The following DLG2 variants were observed in gnomAD, a reference collection of about 807,000 sequenced individuals.
The protein encoded by DLG2 is disks large homolog 2.
Under a neutral mutation model 132.5 loss-of-function variants are expected in DLG2, and 45 were observed. That is an observed-to-expected ratio of 0.34 (90% CI 0.27 to 0.44). The LOEUF (loss-of-function observed/expected upper bound fraction) is 0.44. DLG2 is among the 20% of genes least tolerant of loss of function. DLG2 has a pLI of 1.00. For missense variants in DLG2, 1,045 were observed against 1,196.9 expected (o/e 0.87, Z 1.87); for synonymous variants, 424 against 419.6 (o/e 1.01, Z -0.13).
chr11:85,583,126 GTGTGTATATA>G (rs1484874833), intron 3 of DLG2, among the ~76,000 whole-genome samples: 11 of 34,304 alleles, frequency 3.2e-4, no homozygotes, highest in African/African-American at 5.6e-4. Flanking sequence ...GTGTGTGTGT[GTGTGTATATA>G]TATATATATA....
chr11:84,682,389 T>C (rs931526421), intron 6 of DLG2, among the ~76,000 whole-genome samples: 1 of 152,158 alleles, frequency 6.6e-6, no homozygotes, highest in Admixed American at 6.5e-5. Context: ...GAAAAGAGCT[T>C]TGAAACACTA....
At chr11:85,509,932 A>G (rs1440748171) in intron 3 of DLG2, 1 of 151,964 alleles carries the variant, frequency 6.6e-6, no homozygotes, top group Non-Finnish European at 1.5e-5. Context: ...GACAAAGGTT[A>G]GTTCGGCGCT....
chr11:85,033,933 C>G (rs1250526015), intron 6 of DLG2, among the ~76,000 whole-genome samples: 2 of 151,952 alleles, frequency 1.3e-5, no homozygotes, highest in Non-Finnish European at 2.9e-5. Context: ...CAGTGGCGTA[C>G]AATTGGAATA....
chr11:85,483,452 G>A (rs1055351022), intron 3 of DLG2, among the ~76,000 whole-genome samples: 1 of 152,136 alleles, frequency 6.6e-6, no homozygotes, highest in Non-Finnish European at 1.5e-5. Flanking sequence ...ATCACCAACA[G>A]CCCTATCTTA....
intron 18 of DLG2, among the ~76,000 whole-genome samples, chr11:83,781,667 C>T (rs2094834524): frequency 6.6e-6 from 1 of 152,168 alleles, no homozygotes; most frequent in African/African-American, 2.4e-5. Context: ...CCAACAATGT[C>T]CTGAGAAGTC....
At chr11:83,801,910 T>G (rs374263789) in intron 17 of DLG2, among the ~76,000 whole-genome samples, 1 of 152,224 alleles carries the variant, frequency 6.6e-6, no homozygotes, top group African/African-American at 2.4e-5. Flanking sequence ...TAACTTTATT[T>G]AAATCATTAA....
At chr11:83,498,747 TAACAA>T (rs1193900744) in intron 21 of DLG2, among the ~76,000 whole-genome samples, 1 of 144,048 alleles carries the variant, frequency 6.9e-6, no homozygotes, top group African/African-American at 2.5e-5. Flanking sequence ...TGAGAAAAAT[TAACAA>T]AACAAAGTGG....
intron 7 of DLG2, among the ~76,000 whole-genome samples, chr11:84,278,047 GTT>G (rs55650627): frequency 1.0e-5 from 1 of 99,604 alleles, no homozygotes. Context: ...GCCTGGCTAA[GTT>G]TTTTTTTTTT....
intron 9 of DLG2, among the ~76,000 whole-genome samples, chr11:84,103,874 T>C (rs538388577): frequency 4.4e-4 from 67 of 152,222 alleles, no homozygotes; most frequent in African/African-American, 1.6e-3. Context: ...TTCATTTATA[T>C]ATAATGTTGT....
intron 7 of DLG2, among the ~76,000 whole-genome samples, chr11:84,396,750 T>C (rs930695788): frequency 2.0e-5 from 3 of 152,162 alleles, no homozygotes; most frequent in Non-Finnish European, 4.4e-5. Flanking sequence ...ATTGGGAAAA[T>C]AGGCATCGCA....
At chr11:84,754,879 G>T (rs916957253) in intron 6 of DLG2, among the ~76,000 whole-genome samples, 2 of 152,160 alleles carry the variant, frequency 1.3e-5, no homozygotes, top group South Asian at 4.1e-4. Context: ...AACTATGCAT[G>T]TGTGGGGGCT....
chr11:84,295,805 T>A (rs1357562408), intron 7 of DLG2, among the ~76,000 whole-genome samples: 2 of 152,236 alleles, frequency 1.3e-5, no homozygotes, highest in Non-Finnish European at 2.9e-5. Flanking sequence ...TCTGCCACTA[T>A]AATATTTCTG....
At chr11:84,818,930 T>TA (rs2077361341) in intron 6 of DLG2, among the ~76,000 whole-genome samples, 1 of 90,710 alleles carries the variant, frequency 1.1e-5, no homozygotes, top group Non-Finnish European at 3.1e-5. Flanking sequence ...TTCCAGGCAG[T>TA]CCATTATCAT....
intron 21 of DLG2, among the ~76,000 whole-genome samples, chr11:83,507,795 T>C (rs2094806737): frequency 7.7e-6 from 1 of 129,276 alleles, no homozygotes; most frequent in African/African-American, 3.0e-5. Flanking sequence ...TATATATATA[T>C]ATATGTATAT....
In DLG2 at chr11:84,534,710, C is replaced by A; in HGVS notation, c.379G>T (p.Asp127Tyr). The change falls in exon 7 of 28, where the codon GAC (aspartate) becomes TAC (tyrosine). Residue 127 changes from aspartate to tyrosine, a missense_variant. This residue lies in a region of DLG2 where 277 missense variants were observed against 238.2 expected (regional missense o/e 1.16). Coordinates refer to ENST00000376104, the MANE Select transcript of DLG2 (RefSeq NM_001142699.3). ...GGTAAGGAATGATCATGTGGAGCGT[C>A]CTCATCTTGATATCGATACTTCTAG... ...HCTKYRYQDE[D>Y]APHDHSLPRL... 1 of 1,613,956 alleles carries A rather than the reference C, an allele frequency of 6.2e-7. No individual in the cohort carries two copies. The highest frequency in any genetic ancestry group is 8.5e-7 in the Non-Finnish European group (1 of 1,179,918).
intron 9 of DLG2, among the ~76,000 whole-genome samples, chr11:84,101,530 CA>C (rs146919948): frequency 0.038 from 5,735 of 151,020 alleles, 340 homozygotes; most frequent in African/African-American, 0.13. Context: ...CAAAGCATAG[CA>C]AAAAAAAGCA....
At chr11:84,860,945 T>A (rs373742010) in intron 6 of DLG2, among the ~76,000 whole-genome samples, 2 of 152,044 alleles carry the variant, frequency 1.3e-5, no homozygotes, top group East Asian at 1.9e-4. Context: ...CATGCACTTA[T>A]TTTTTTATCC....
intron 9 of DLG2, among the ~76,000 whole-genome samples, chr11:84,142,865 G>T (rs895218700): frequency 5.3e-5 from 8 of 152,086 alleles, no homozygotes; most frequent in Non-Finnish European, 8.8e-5. Flanking sequence ...TCTCTGGATT[G>T]CAGATGGCAG....
chr11:83,981,654 C>G (rs2092790440), intron 11 of DLG2, among the ~76,000 whole-genome samples: 1 of 152,036 alleles, frequency 6.6e-6, no homozygotes, highest in South Asian at 2.1e-4. Context: ...CCAGGCTGGT[C>G]TTGAACTCCT....
Sources: gnomAD v4.1 joint callset for allele counts (sites outside exome capture counted in the v4.1 genomes callset) on GRCh38, gnomAD v4.1.1 for gene constraint, gnomAD v4.1.1 regional missense constraint, MANE v1.5 for transcripts, NCBI Gene and HGNC (gene_info 2026-07-23, HGNC 2026-07-21) for gene names.